Variants in SLC36A2 observed in about 807,000 individuals in gnomAD.
The protein encoded by SLC36A2 is proton-coupled amino acid transporter 2.
In SLC36A2, 39 loss-of-function variants were observed where a neutral mutation model predicts 42.7. The observed-to-expected ratio is 0.91, with a 90% CI of 0.71 to 1.19. The LOEUF is 1.19. Among genes scored for constraint, SLC36A2 ranks in the 50% most tolerant of loss-of-function variants. The pLI is 0.00. For missense variants in SLC36A2, 590 were observed against 613.7 expected, an observed-to-expected ratio of 0.96 and a Z score of 0.41; for synonymous variants, 237 against 240.8, an observed-to-expected ratio of 0.98 and a Z score of 0.15.
chr5:151,341,898 G>A (rs1285157803), intron 4 of SLC36A2, among the ~76,000 whole-genome samples: 1 of 152,068 alleles, frequency 6.6e-6, no homozygotes, highest in Non-Finnish European at 1.5e-5. Context: ...ACTCTTCCTT[G>A]TCTCCCAATC....
intron 9 of SLC36A2, among the ~76,000 whole-genome samples, chr5:151,319,934 C>T (rs1211612227): frequency 6.6e-6 from 1 of 152,140 alleles, no homozygotes; most frequent in East Asian, 1.9e-4. Context: ...AATATAAAAT[C>T]TAGCTTCTTT....
At chr5:151,340,721 G>C (rs1028472510) in intron 4 of SLC36A2, among the ~76,000 whole-genome samples, 1 of 152,140 alleles carries the variant, frequency 6.6e-6, no homozygotes, top group Non-Finnish European at 1.5e-5. Flanking sequence ...ACAACAAGAA[G>C]GTCTTTTAGG....
In SLC36A2 at chr5:151,315,634, C is replaced by T. The variant is rs1445771316; in HGVS notation, c.*1183G>A. ...AGAGCGAGACTTCATCTCAAAAAAACAAAACACAAAACAAAACCGACAAAC... is the reference window on the plus strand; with the variant it reads ...AGAGCGAGACTTCATCTCAAAAAAATAAAACACAAAACAAAACCGACAAAC... On this transcript the variant is annotated 3_prime_UTR_variant, in exon 10 of 10. Transcript: ENST00000335244. 6 of 152,230 alleles carry T rather than the reference C, an allele frequency of 3.9e-5. No individual in the cohort carries two copies. Among genetic ancestry groups the T allele is most frequent in the African/African-American group, 1.4e-4 (6 of 41,538 alleles). The allele number at this position is 152,230 out of a possible 1,614,324, so 9.4% of individuals were successfully genotyped here.
chr5:151,343,006 G>T (rs757434270), intron 3 of SLC36A2, 23 bp from the exon 4 acceptor site: 1 of 1,586,968 alleles, frequency 6.3e-7, no homozygotes, highest in South Asian at 1.1e-5. Flanking sequence ...GTGCATAAAC[G>T]GTTTCCAAGA....
chr5:151,316,476 C>CA lies in SLC36A2; in HGVS notation c.*340dup. ...AGAGATCTGGCCAGGCGAGGTGGCT[C>CA]ACGCCTGTGATCCCAGCATTTTGGG... On this transcript the variant is annotated 3_prime_UTR_variant, in exon 10 of 10. Coordinates refer to ENST00000335244, the MANE Select transcript of SLC36A2 (RefSeq NM_181776.3). 3.5e-6 allele frequency: 1 copy of CA among 288,886 alleles called. No homozygotes were observed. The highest frequency in any genetic ancestry group is 6.6e-6 in the Non-Finnish European group (1 of 151,966). The allele number at this position is 288,886 out of a possible 1,614,324, so 17.9% of individuals were successfully genotyped here.
At chr5:151,327,917 C>T (rs1755896414) in intron 7 of SLC36A2, among the ~76,000 whole-genome samples, 2 of 152,204 alleles carry the variant, frequency 1.3e-5, no homozygotes, top group South Asian at 2.1e-4. Context: ...CTCTGGGGCT[C>T]TCCCTCTTCT....
At chr5:151,318,525 T>TAAAC (rs796464175) in intron 9 of SLC36A2, among the ~76,000 whole-genome samples, 1 of 141,256 alleles carries the variant, frequency 7.1e-6, no homozygotes, top group African/African-American at 2.6e-5. Flanking sequence ...AATAAAAATA[T>TAAAC]AATAATTATT....
rs899723807 is a variant in SLC36A2, at chr5:151,316,601, G to T, written c.*216C>A. ...ACTAAAAATACAAAATTAGCCAGGC[G>T]TGCTGGACTATGCCTCTAATCCCAA... On this transcript the variant is annotated 3_prime_UTR_variant, in exon 10 of 10. Transcript: ENST00000335244. The T allele has an allele frequency of 3.5e-6, 2 of 565,392 alleles. No individual in the cohort carries two copies. The highest frequency in any genetic ancestry group is 6.1e-6 in the Non-Finnish European group (2 of 329,048). 35.0% of individuals were successfully genotyped at this position (565,392 alleles called of 1,614,324 possible). A position where few individuals can be genotyped will look rare whatever the true frequency, so the allele number is the denominator to read the frequency against.
chr5:151,333,937 T>A (rs2127293809), intron 6 of SLC36A2, among the ~76,000 whole-genome samples: 1 of 152,314 alleles, frequency 6.6e-6, no homozygotes, highest in South Asian at 2.1e-4. Context: ...ACAGTGGTCA[T>A]GGGTGTTGGA....
intron 7 of SLC36A2, among the ~76,000 whole-genome samples, chr5:151,325,889 T>A (rs143012851): frequency 5.3e-5 from 8 of 152,272 alleles, no homozygotes; most frequent in South Asian, 2.1e-4. Context: ...TATGGGGAGT[T>A]ATTGTTTAAT....
intron 7 of SLC36A2, among the ~76,000 whole-genome samples, chr5:151,329,687 T>G (rs1271359196): frequency 6.6e-6 from 1 of 152,154 alleles, no homozygotes; most frequent in African/African-American, 2.4e-5. Context: ...GATAGCGGAA[T>G]GTAGATAACA....
rs5872202 is a variant in SLC36A2, at chr5:151,326,812, C to CTTTTT, written c.844-1365_844-1361dup. Reference sequence around the variant, plus strand: ...TGAAAACGGGCTCAAATGAATTTACCTTTTTTTTTTTTTCTTTTTTGGAGA... The same window carrying CTTTTT: ...TGAAAACGGGCTCAAATGAATTTACCTTTTTTTTTTTTTTTTTTCTTTTTTGGAGA... On this transcript the variant is annotated intron_variant, in intron 7 of 9. Transcript: ENST00000335244. Among the ~76,000 whole-genome samples the CTTTTT allele has an allele frequency of 4.4e-3, 632 of 142,200 alleles. 11 individuals are homozygous for CTTTTT. Among genetic ancestry groups the CTTTTT allele is most frequent in the Non-Finnish European group, 4.4e-3 (288 of 66,156 alleles). 93.3% of individuals were successfully genotyped at this position (142,200 alleles called of 152,430 possible).
chr5:151,341,409 GC>G (rs1274939154), intron 4 of SLC36A2, among the ~76,000 whole-genome samples: 1 of 152,148 alleles, frequency 6.6e-6, no homozygotes, highest in Non-Finnish European at 1.5e-5. Context: ...CAGACTACCT[GC>G]CATGGGCAGG....
At chr5:151,325,527 T>G in intron 7 of SLC36A2, 75 bp from the exon 8 acceptor site, 1 of 1,465,170 alleles carries the variant, frequency 6.8e-7, no homozygotes, top group South Asian at 1.2e-5. Context: ...CACTTCTGGA[T>G]GTCTACCCCA....
intron 1 of SLC36A2, among the ~76,000 whole-genome samples, chr5:151,345,696 T>C (rs1756472753): frequency 6.6e-6 from 1 of 152,204 alleles, no homozygotes; most frequent in African/African-American, 2.4e-5. Flanking sequence ...TGGAAATTTC[T>C]AACTAAAGTA....
chr5:151,341,439 C>T (rs144410322), intron 4 of SLC36A2, among the ~76,000 whole-genome samples: 12 of 152,256 alleles, frequency 7.9e-5, no homozygotes, highest in South Asian at 2.1e-4. Flanking sequence ...GTGAGTACTG[C>T]AGCAGTTTAG....
intron 4 of SLC36A2, among the ~76,000 whole-genome samples, chr5:151,340,290 AGAG>A (rs1403953766): frequency 7.9e-5 from 12 of 150,984 alleles, no homozygotes; most frequent in Admixed American, 2.6e-4. Flanking sequence ...GAGAAGAGGA[AGAG>A]GAGGAAGAAG....
At chr5:151,318,449 ATTAT>A (rs1165761038) in intron 9 of SLC36A2, among the ~76,000 whole-genome samples, 2 of 145,876 alleles carry the variant, frequency 1.4e-5, no homozygotes, top group African/African-American at 4.9e-5. Flanking sequence ...ATACAAATTT[ATTAT>A]TTATTTTATA....
chr5:151,337,433 A>C (rs553163796), intron 5 of SLC36A2, among the ~76,000 whole-genome samples: 2 of 152,266 alleles, frequency 1.3e-5, no homozygotes, highest in South Asian at 4.1e-4. Context: ...CCAAAATATC[A>C]TATTGATATT....
Sources: allele counts gnomAD v4.1 joint callset (sites outside exome capture counted in the v4.1 genomes callset), GRCh38; gene constraint gnomAD v4.1.1; transcripts MANE v1.5; gene names NCBI Gene and HGNC (gene_info 2026-07-23, HGNC 2026-07-21).